Variants in PTPN14 observed in about 807,000 individuals in gnomAD.
PTPN14 encodes protein tyrosine phosphatase non-receptor type 14, also known as tyrosine-protein phosphatase non-receptor type 14.
PTPN14 carries 53 observed loss-of-function variants against 126.8 expected under a neutral mutation model. The ratio of observed to expected loss-of-function variants is 0.42; its 90% CI spans 0.34 to 0.53. The LOEUF (loss-of-function observed/expected upper bound fraction) is 0.53, where lower values mean the gene tolerates loss of function less well. Among genes scored for constraint, PTPN14 ranks in the 20% least tolerant of loss-of-function variants. The pLI is 0.08. For missense variants in PTPN14, 1,257 were observed against 1,552.9 expected, an observed-to-expected ratio of 0.81 and a Z score of 3.20; for synonymous variants, 630 against 599.3, an observed-to-expected ratio of 1.05 and a Z score of -0.75.
intron 1 of PTPN14, among the ~76,000 whole-genome samples, chr1:214,513,445 C>CAAAA (rs113773162): frequency 4.1e-5 from 6 of 146,884 alleles, no homozygotes; most frequent in African/African-American, 1.5e-4. Flanking sequence ...ATTAGTTCTT[C>CAAAA]AAAAAAAAAA....
chr1:214,534,733 A>AATAAATAAATAC (rs1312992668), intron 1 of PTPN14, among the ~76,000 whole-genome samples: 4 of 151,746 alleles, frequency 2.6e-5, no homozygotes, highest in Non-Finnish European at 5.9e-5. Context: ...TAAATAAATA[A>AATAAATAAATAC]ATAAATAAAA....
intron 1 of PTPN14, among the ~76,000 whole-genome samples, chr1:214,507,554 G>A (rs1654873073): frequency 6.6e-6 from 1 of 152,166 alleles, no homozygotes; most frequent in African/African-American, 2.4e-5. Flanking sequence ...AGCTGTCACA[G>A]AGTTAAATTT....
At position 214,388,005 on chromosome 1, in the gene PTPN14, G is replaced by A. The variant is rs377289808; in HGVS notation, c.988-1083C>T. Reference sequence around the variant, plus strand: ...CAAAGGGCCCTGTCTACCCACCACCGCAGTGCAGAATCTTCCACAGTCTGT... The same window carrying A: ...CAAAGGGCCCTGTCTACCCACCACCACAGTGCAGAATCTTCCACAGTCTGT... On this transcript the variant is annotated intron_variant, in intron 11 of 18. Coordinates refer to ENST00000366956, the MANE Select transcript of PTPN14 (RefSeq NM_005401.5). Among the ~76,000 whole-genome samples the A allele has an allele frequency of 1.1e-3, 167 of 152,194 alleles. 5 individuals carry two copies. The South Asian group carries it at 0.031, about 28-fold the overall frequency.
At chr1:214,520,118 G>C (rs1213342603) in intron 1 of PTPN14, among the ~76,000 whole-genome samples, 14 of 144,402 alleles carry the variant, frequency 9.7e-5, no homozygotes, top group African/African-American at 3.1e-4. Context: ...GTATGAATCA[G>C]TCTGTCTGCC....
At chr1:214,391,963 T>C (rs1658763281) in intron 10 of PTPN14, among the ~76,000 whole-genome samples, 1 of 152,182 alleles carries the variant, frequency 6.6e-6, no homozygotes, top group African/African-American at 2.4e-5. Context: ...GCCACTCAAT[T>C]GAGCTATACC....
intron 5 of PTPN14, among the ~76,000 whole-genome samples, chr1:214,405,094 G>C (rs1397614990): frequency 6.6e-6 from 1 of 152,178 alleles, no homozygotes; most frequent in African/African-American, 2.4e-5. Flanking sequence ...CATTCGGAAA[G>C]GATGGGCCTT....
intron 14 of PTPN14, among the ~76,000 whole-genome samples, 175 bp downstream of exon 14, chr1:214,377,784 T>C (rs1397832382): frequency 3.9e-5 from 6 of 152,082 alleles, no homozygotes; most frequent in African/African-American, 1.4e-4. Flanking sequence ...TGGAGAAACA[T>C]GAGATGCTGA....
intron 5 of PTPN14, among the ~76,000 whole-genome samples, chr1:214,406,226 C>T (rs571791991): frequency 6.6e-6 from 1 of 152,222 alleles, no homozygotes; most frequent in Non-Finnish European, 1.5e-5. Flanking sequence ...GCCTGTAATA[C>T]CGGCACTTTG....
At chr1:214,358,074 A>C (rs1657867020) in intron 18 of PTPN14, 24 bp from the exon 19 acceptor site, 1 of 1,611,118 alleles carries the variant, frequency 6.2e-7, no homozygotes, top group Non-Finnish European at 8.5e-7. Flanking sequence ...GAGAAAGCAC[A>C]AGGTCCTGAG....
At chr1:214,435,255 CGT>C (rs144288661) in intron 3 of PTPN14, among the ~76,000 whole-genome samples, 39 of 148,332 alleles carry the variant, frequency 2.6e-4, no homozygotes, top group South Asian at 8.6e-4. Context: ...TGTGTGTGTG[CGT>C]GTGTGTGTGT....
chr1:214,536,103 A>C (rs918686236), intron 1 of PTPN14, among the ~76,000 whole-genome samples: 4 of 152,036 alleles, frequency 2.6e-5, no homozygotes, highest in Admixed American at 1.3e-4. Flanking sequence ...ACAACAACAA[A>C]AAAAGGCCAG....
chr1:214,535,116 G>A (rs1655670070), intron 1 of PTPN14, among the ~76,000 whole-genome samples: 2 of 152,092 alleles, frequency 1.3e-5, no homozygotes, highest in Admixed American at 1.3e-4. Flanking sequence ...AAGCCAATGA[G>A]TACCAGAAAT....
chr1:214,512,029 G>C (rs1485547017), intron 1 of PTPN14, among the ~76,000 whole-genome samples: 1 of 152,080 alleles, frequency 6.6e-6, no homozygotes, highest in Non-Finnish European at 1.5e-5. Flanking sequence ...GGGAAAGGCT[G>C]CATCTCCCAG....
intron 13 of PTPN14, among the ~76,000 whole-genome samples, chr1:214,381,092 A>G (rs945428313): frequency 2.0e-5 from 3 of 152,256 alleles, no homozygotes; most frequent in Non-Finnish European, 4.4e-5. Context: ...AAGCATCTGG[A>G]GAAAAAACAA....
chr1:214,393,522 A>G (rs1485357252), intron 10 of PTPN14, among the ~76,000 whole-genome samples, 173 bp downstream of exon 10: 1 of 152,172 alleles, frequency 6.6e-6, no homozygotes, highest in African/African-American at 2.4e-5. Context: ...ACGACACTAG[A>G]CAGTCTTCAT....
chr1:214,383,433 T>C lies in PTPN14; in HGVS notation c.2422A>G (p.Ile808Val), dbSNP rs551943170. ...AVNGASLGPS[I>V]SEPDLTSVKE... ...ACACTAGTCAGGTCGGGTTCCGAGA[T>C]GGATGGGCCGAGAGAGGCCCCGTTG... Residue 808 changes from isoleucine (I) to valine (V), a missense_variant, in exon 13 of 19, where the codon ATC becomes GTC. By Grantham distance (29) the Ile-to-Val change is conservative. Coordinates refer to ENST00000366956, the MANE Select transcript of PTPN14 (RefSeq NM_005401.5). This position sits in a 1 kb window ranked among gnomAD's most constrained non-coding sequence, Gnocchi z 4.4. 1.9e-5 allele frequency: 30 copies of C among 1,614,200 alleles called. No homozygotes were observed. Among genetic ancestry groups the C allele is most frequent in the African/African-American group, 6.7e-5 (5 of 75,046 alleles).
intron 1 of PTPN14, among the ~76,000 whole-genome samples, chr1:214,501,276 T>C (rs1241414615): frequency 4.6e-5 from 7 of 152,104 alleles, no homozygotes; most frequent in Non-Finnish European, 1.0e-4. Context: ...AGTTTCGCTC[T>C]TTTCGCCCAG....
chr1:214,384,147 A>G lies in PTPN14; in HGVS notation c.1708T>C (p.Tyr570His). 6.3e-7 allele frequency: 1 copy of G among 1,578,250 alleles called. No homozygotes were observed. Among genetic ancestry groups the G allele is most frequent in the Non-Finnish European group, 8.6e-7 (1 of 1,164,486 alleles). ...CTGGTGGCAGGTCGTGGCCGTGGGT[A>G]GGGGGGCGGTGGCCTGAAGAGATAG... is the stretch of plus-strand genomic sequence containing the variant. ...KNYLFRPPPP[Y>H]PRPRPATSTP... The change falls in exon 13 of 19, where the codon TAC becomes CAC. Residue 570 changes from tyrosine (Y) to histidine (H), a missense_variant. By Grantham distance (83) the Tyr-to-His change is moderately conservative. Around this residue, in one of 3 missense-constraint regions of PTPN14, gnomAD observed 1,021 missense variants for 1,183.3 expected, o/e 0.86. Coordinates refer to ENST00000366956, the MANE Select transcript of PTPN14 (RefSeq NM_005401.5). The surrounding 1 kb of genome is among the most constrained non-coding windows in gnomAD (Gnocchi z 5.3).
At chr1:214,452,534 CACGA>C (rs1480181648) in intron 2 of PTPN14, among the ~76,000 whole-genome samples, 1 of 152,170 alleles carries the variant, frequency 6.6e-6, no homozygotes, top group East Asian at 1.9e-4. Flanking sequence ...CTTTATTATA[CACGA>C]ACTGCAGCAA....
Sources: gnomAD v4.1 joint callset for allele counts (sites outside exome capture counted in the v4.1 genomes callset) on GRCh38, gnomAD v4.1.1 for gene constraint, gnomAD v4.1.1 regional missense constraint, Gnocchi (gnomAD v3.1) non-coding constraint, MANE v1.5 for transcripts, NCBI Gene and HGNC (gene_info 2026-07-23, HGNC 2026-07-21) for gene names.